Variants in MTHFD1L observed in about 807,000 individuals in gnomAD.
MTHFD1L encodes methylenetetrahydrofolate dehydrogenase (NADP+ dependent) 1 like.
A neutral mutation model predicts 119.5 loss-of-function variants in MTHFD1L; 81 were observed. The observed-to-expected ratio is 0.68, with a 90% confidence interval of 0.57 to 0.82. The LOEUF (loss-of-function observed/expected upper bound fraction) is 0.82. Ranked by LOEUF, MTHFD1L falls within the 40% of genes least tolerant of loss-of-function variation. The probability of loss-of-function intolerance (pLI) is 0.00; values close to 1 mark genes in which losing one functional copy is unlikely to be tolerated. For synonymous variants in MTHFD1L, 430 were observed against 475.2 expected (o/e 0.90, Z 1.24); for missense variants, 1,125 against 1,253.4 (o/e 0.90, Z 1.55).
chr6:150,988,410 A>G (rs1430770553), intron 20 of MTHFD1L, among the ~76,000 whole-genome samples: 1 of 148,808 alleles, frequency 6.7e-6, no homozygotes, highest in African/African-American at 2.6e-5. Flanking sequence ...AGGTCGTTTT[A>G]AAGTTTTTAG....
At chr6:151,000,844 G>T (rs75381269) in intron 20 of MTHFD1L, among the ~76,000 whole-genome samples, 1,891 of 152,264 alleles carry the variant, frequency 0.012, 19 homozygotes, top group South Asian at 0.038. Flanking sequence ...GCACTGTTTG[G>T]CAGTTAACAC....
chr6:150,892,932 G>A (rs188310191), intron 7 of MTHFD1L, among the ~76,000 whole-genome samples: 4 of 152,118 alleles, frequency 2.6e-5, no homozygotes, highest in Admixed American at 1.3e-4. Flanking sequence ...CTGTCTGGAG[G>A]CCACAGTGGT....
intron 14 of MTHFD1L, among the ~76,000 whole-genome samples, chr6:150,944,861 T>G (rs1793674688): frequency 6.6e-6 from 1 of 152,248 alleles, no homozygotes; most frequent in African/African-American, 2.4e-5. Flanking sequence ...AGTCTTTAGT[T>G]TTAAAGATGG....
At chr6:150,890,764 G>A (rs1783115920) in intron 7 of MTHFD1L, among the ~76,000 whole-genome samples, 1 of 152,172 alleles carries the variant, frequency 6.6e-6, no homozygotes, top group Non-Finnish European at 1.5e-5. Context: ...AGGAAAGAAG[G>A]AAAGTATAAC....
At chr6:150,978,631 C>G (rs1226680061) in intron 20 of MTHFD1L, among the ~76,000 whole-genome samples, 2 of 152,106 alleles carry the variant, frequency 1.3e-5, no homozygotes, top group Non-Finnish European at 2.9e-5. Context: ...GAAACAAAGC[C>G]TTGTTAATAT....
chr6:150,994,077 A>AAGAAAGAAAGAAAGAAAGAAAGAAG (rs1554273888), intron 20 of MTHFD1L, among the ~76,000 whole-genome samples: 13 of 105,286 alleles, frequency 1.2e-4, no homozygotes, highest in South Asian at 3.0e-4. Flanking sequence ...AAAAAAAAAA[A>AAGAAAGAAAGAAAGAAAGAAAGAAG]AAAGAAAGAA....
chr6:150,897,278 T>C (rs1047891277), intron 7 of MTHFD1L, among the ~76,000 whole-genome samples: 1 of 152,220 alleles, frequency 6.6e-6, no homozygotes, highest in African/African-American at 2.4e-5. Flanking sequence ...ATCTCCAGTT[T>C]TCCCAACATT....
chr6:150,943,942 G>A (rs34558516), intron 13 of MTHFD1L, among the ~76,000 whole-genome samples: 9,155 of 152,074 alleles, frequency 0.06, 434 homozygotes, highest in East Asian at 0.24. Context: ...CTGTTTTCTA[G>A]ATAATAAAAC....
intron 27 of MTHFD1L, among the ~76,000 whole-genome samples, chr6:151,098,944 G>A: frequency 6.6e-6 from 1 of 152,090 alleles, no homozygotes; most frequent in East Asian, 1.9e-4. Context: ...GGGAGGCCGA[G>A]GCAGGCGGAT....
intron 27 of MTHFD1L, among the ~76,000 whole-genome samples, chr6:151,097,981 CTGGGAAACA>C (rs1391878864): frequency 1.3e-5 from 2 of 152,074 alleles, no homozygotes; most frequent in Non-Finnish European, 2.9e-5. Context: ...CGAGACCAGC[CTGGGAAACA>C]TGGCAAAACC....
At chr6:150,916,988 C>T (rs1440533581) in intron 8 of MTHFD1L, among the ~76,000 whole-genome samples, 2 of 149,476 alleles carry the variant, frequency 1.3e-5, no homozygotes, top group African/African-American at 2.5e-5. Context: ...CTCAAACCCC[C>T]GACCTCAGAT....
chr6:150,940,260 G>C (rs1562420479), intron 13 of MTHFD1L, among the ~76,000 whole-genome samples: 1 of 152,176 alleles, frequency 6.6e-6, no homozygotes, highest in Non-Finnish European at 1.5e-5. Flanking sequence ...TAAAGGAATA[G>C]AAGTGTTTAC....
At chr6:150,923,537 A>ATTTTTTTT (rs1231382945) in intron 10 of MTHFD1L, among the ~76,000 whole-genome samples, 4 of 95,212 alleles carry the variant, frequency 4.2e-5, no homozygotes, top group African/African-American at 2.0e-4. Context: ...TTATTTATTT[A>ATTTTTTTT]TTTTTTCTTT....
chr6:150,927,004 C>G (rs543007262), intron 11 of MTHFD1L, among the ~76,000 whole-genome samples: 1 of 152,242 alleles, frequency 6.6e-6, no homozygotes, highest in South Asian at 2.1e-4. Flanking sequence ...CTTGAAATTT[C>G]ATTTCAGTGA....
In MTHFD1L at chr6:150,866,036, G is replaced by T. The variant is rs1778234295; in HGVS notation, c.214G>T (p.Asp72Tyr). Residue 72 changes from aspartate (D) to tyrosine (Y), a missense_variant, in exon 1 of 28, where the codon GAC (aspartate) becomes TAC (tyrosine). Transcript: ENST00000367321. ...CGGCGGCCGAACGCCCGCGGCGCGG[G>T]ACTCCATCGTCAGGTGAGTGTCGGG... ...SPGGRTPAAR[D>Y]SIVREVIQNS... 2.1e-6 allele frequency: 3 copies of T among 1,452,938 alleles called. No individual in the cohort carries two copies. In the African/African-American group the frequency reaches 4.4e-5, roughly 22 times the overall value. 90.0% of individuals were successfully genotyped at this position (1,452,938 alleles called of 1,614,324 possible). A position where few individuals can be genotyped will look rare whatever the true frequency, so the allele number is the denominator to read the frequency against.
chr6:151,064,685 A>G (rs1791025965), intron 26 of MTHFD1L, among the ~76,000 whole-genome samples: 1 of 152,126 alleles, frequency 6.6e-6, no homozygotes, highest in East Asian at 1.9e-4. Flanking sequence ...AATATTCACT[A>G]TTGTTCCCAA....
intron 26 of MTHFD1L, among the ~76,000 whole-genome samples, chr6:151,081,005 A>T (rs1793092161): frequency 6.6e-6 from 1 of 152,094 alleles, no homozygotes; most frequent in African/African-American, 2.4e-5. Context: ...CTGTCTCCAA[A>T]TGTAGTCGTA....
At position 150,888,114 on chromosome 6, in the gene MTHFD1L, A is replaced by G. The variant is rs147618948; in HGVS notation, c.780+133A>G. 5.7e-3 allele frequency: 5,361 copies of G among 946,174 alleles called. 17 individuals are homozygous for G. Among genetic ancestry groups the G allele is most frequent in the Non-Finnish European group, 6.9e-3 (4,772 of 692,726 alleles). The allele number at this position is 946,174 out of a possible 1,614,324, so 58.6% of individuals were successfully genotyped here. ...TTGAATAGACCCATATCCATTAAAG[A>G]CATTGAATGAGTCTACTCACCAGAC... On this transcript the variant is annotated intron_variant, in intron 7 of 27. Coordinates refer to ENST00000367321, the MANE Select transcript of MTHFD1L (RefSeq NM_015440.5).
In MTHFD1L at chr6:150,870,756, C is replaced by G. The variant is rs983371649; in HGVS notation, c.227+4707C>G. Among the ~76,000 whole-genome samples, 5 of 151,522 alleles carry G rather than the reference C, an allele frequency of 3.3e-5. No individual in the cohort carries two copies. In the South Asian group the frequency reaches 8.3e-4, roughly 25 times the overall value. On this transcript the variant is annotated intron_variant, in intron 1 of 27. Coordinates refer to ENST00000367321, the MANE Select transcript of MTHFD1L (RefSeq NM_015440.5). ...TAAAACCCTGTCTCTACTAAAAATA[C>G]AAAAATTAGCCAGGCATGGTGGTGT...
Sources: allele counts gnomAD v4.1 joint callset (sites outside exome capture counted in the v4.1 genomes callset), GRCh38; gene constraint gnomAD v4.1.1; transcripts MANE v1.5; gene names NCBI Gene and HGNC (gene_info 2026-07-23, HGNC 2026-07-21).